SLC25A21: variants seen among roughly 807,000 people sequenced by gnomAD.
SLC25A21 encodes solute carrier family 25 member 21, also known as mitochondrial 2-oxodicarboxylate carrier.
A neutral mutation model predicts 43.8 loss-of-function variants in SLC25A21; 47 were observed. The ratio of observed to expected loss-of-function variants is 1.07; its 90% confidence interval spans 0.85 to 1.37. The LOEUF (loss-of-function observed/expected upper bound fraction) is 1.37, where lower values mean the gene tolerates loss of function less well. SLC25A21 is among the 40% of genes most tolerant of loss of function. SLC25A21 has a pLI of 0.00. For missense variants in SLC25A21, 352 were observed against 350.2 expected (o/e 1.00, Z -0.04); for synonymous variants, 131 against 121.3 (o/e 1.08, Z -0.52).
rs572754171 is a variant in SLC25A21, at chr14:37,171,416, G to A, written c.70+865C>T. On this transcript the variant is annotated intron_variant, in intron 1 of 9. Transcript: ENST00000331299. ...CATTTTCTAGTCATTGCCTTAACAG[G>A]ATTTATTAGAGTTACTATAATTTAT... 7.4e-5 allele frequency among the ~76,000 whole-genome samples: 5 copies of A among 67,616 alleles called. No homozygotes were observed. The East Asian group carries it at 2.3e-3, about 32-fold the overall frequency. The allele number at this position is 67,616 out of a possible 152,430, so 44.4% of individuals were successfully genotyped here. A position where few individuals can be genotyped will look rare whatever the true frequency, so the allele number is the denominator to read the frequency against.
chr14:37,114,869 T>A (rs753191663), intron 1 of SLC25A21, among the ~76,000 whole-genome samples: 3 of 152,146 alleles, frequency 2.0e-5, no homozygotes, highest in Non-Finnish European at 4.4e-5. Flanking sequence ...TCTCCTTGTA[T>A]TCAAATCAAG....
At chr14:36,951,957 G>A (rs1457889659) in intron 1 of SLC25A21, among the ~76,000 whole-genome samples, 1 of 152,170 alleles carries the variant, frequency 6.6e-6, no homozygotes, top group African/African-American at 2.4e-5. Context: ...GAATCAGGCA[G>A]GGTGCAGTGG....
chr14:36,911,119 T>G (rs1891675319), intron 1 of SLC25A21, among the ~76,000 whole-genome samples: 1 of 152,210 alleles, frequency 6.6e-6, no homozygotes, highest in African/African-American at 2.4e-5. Context: ...TCACTCCTAC[T>G]ACTGCTGATA....
chr14:36,822,253 A>G (rs1594618374), intron 2 of SLC25A21, among the ~76,000 whole-genome samples: 1 of 152,372 alleles, frequency 6.6e-6, no homozygotes, highest in Middle Eastern at 3.4e-3. Context: ...CAAGTCCACC[A>G]GGGTCATGGA....
At chr14:36,910,416 C>T (rs770150892) in intron 1 of SLC25A21, among the ~76,000 whole-genome samples, 1 of 152,026 alleles carries the variant, frequency 6.6e-6, no homozygotes, top group Non-Finnish European at 1.5e-5. Context: ...AGCAACAGGA[C>T]CTCACCATAT....
At chr14:37,065,940 A>G (rs1418940344) in intron 1 of SLC25A21, among the ~76,000 whole-genome samples, 1 of 152,216 alleles carries the variant, frequency 6.6e-6, no homozygotes, top group Non-Finnish European at 1.5e-5. Flanking sequence ...TGATTGTAGT[A>G]AAGATTAAAT....
intron 1 of SLC25A21, among the ~76,000 whole-genome samples, chr14:37,038,606 G>C (rs1249441238): frequency 1.6e-4 from 25 of 152,114 alleles, no homozygotes; most frequent in Admixed American, 1.6e-3. Flanking sequence ...TCTCCTGATA[G>C]AGGAATTTGA....
At chr14:36,828,870 C>T (rs1888932381) in intron 2 of SLC25A21, 1 of 152,342 alleles carries the variant, frequency 6.6e-6, no homozygotes, top group Non-Finnish European at 1.5e-5. Flanking sequence ...TATCTTTCAT[C>T]AGCTCTTCCA....
intron 2 of SLC25A21, among the ~76,000 whole-genome samples, chr14:36,859,564 C>T (rs1407501427): frequency 6.6e-6 from 1 of 152,096 alleles, no homozygotes; most frequent in African/African-American, 2.4e-5. Context: ...TGACAATGAA[C>T]AGGACTGGGA....
chr14:36,755,158 A>G (rs1885875278), intron 3 of SLC25A21, among the ~76,000 whole-genome samples: 1 of 152,206 alleles, frequency 6.6e-6, no homozygotes, highest in African/African-American at 2.4e-5. Context: ...CATTTATATT[A>G]AATAATAATG....
At chr14:36,949,841 T>C (rs185356486) in intron 1 of SLC25A21, among the ~76,000 whole-genome samples, 1 of 152,314 alleles carries the variant, frequency 6.6e-6, no homozygotes, top group Non-Finnish European at 1.5e-5. Context: ...TGAAGCATTT[T>C]TCAAAGCAGG....
At chr14:36,703,435 G>A (rs12185045) in intron 7 of SLC25A21, among the ~76,000 whole-genome samples, 24,157 of 152,096 alleles carry the variant, frequency 0.16, 2,656 homozygotes, top group East Asian at 0.29. Flanking sequence ...TGCTGTCTGT[G>A]GTGAATGACC....
At chr14:36,867,660 T>C (rs1429159777) in intron 2 of SLC25A21, among the ~76,000 whole-genome samples, 2 of 152,156 alleles carry the variant, frequency 1.3e-5, no homozygotes. Flanking sequence ...TTGAAACTGC[T>C]TGACTGCATA....
At chr14:36,700,891 C>G (rs1566511352) in intron 7 of SLC25A21, among the ~76,000 whole-genome samples, 1 of 152,164 alleles carries the variant, frequency 6.6e-6, no homozygotes, top group Non-Finnish European at 1.5e-5. Flanking sequence ...CATTGTCTTG[C>G]CCACAGCTGG....
intron 1 of SLC25A21, among the ~76,000 whole-genome samples, chr14:37,058,984 C>A (rs755671819): frequency 4.6e-5 from 7 of 152,198 alleles, no homozygotes; most frequent in Non-Finnish European, 1.0e-4. Context: ...CATGTCCTTT[C>A]CAGGTAGGAA....
chr14:37,093,302 C>T (rs1962624214), intron 1 of SLC25A21, among the ~76,000 whole-genome samples: 2 of 152,174 alleles, frequency 1.3e-5, no homozygotes, highest in Admixed American at 1.3e-4. Context: ...CCTGCTCACC[C>T]CACAATGCAG....
intron 3 of SLC25A21, among the ~76,000 whole-genome samples, chr14:36,774,948 A>G (rs1734511042): frequency 6.6e-6 from 1 of 152,238 alleles, no homozygotes; most frequent in South Asian, 2.1e-4. Flanking sequence ...ACGACAATTT[A>G]AAATATTTTA....
intron 1 of SLC25A21, among the ~76,000 whole-genome samples, chr14:36,991,841 A>G (rs1157045288): frequency 6.6e-6 from 1 of 152,182 alleles, no homozygotes; most frequent in East Asian, 1.9e-4. Flanking sequence ...ATACCCACTC[A>G]GGATAGACAG....
chr14:37,147,762 A>G (rs939829000), intron 1 of SLC25A21, among the ~76,000 whole-genome samples: 33 of 151,658 alleles, frequency 2.2e-4, no homozygotes, highest in African/African-American at 7.7e-4. Flanking sequence ...TTGAAACATG[A>G]CATATATGTT....
Sources: gnomAD v4.1 joint callset for allele counts (sites outside exome capture counted in the v4.1 genomes callset) on GRCh38, gnomAD v4.1.1 for gene constraint, MANE v1.5 for transcripts, NCBI Gene and HGNC (gene_info 2026-07-23, HGNC 2026-07-21) for gene names.